Variants in ZBTB1 observed in about 807,000 individuals in gnomAD.
ZBTB1 encodes the protein zinc finger and BTB domain containing 1.
In ZBTB1, 13 loss-of-function variants were observed where a neutral mutation model predicts 51.6. That is an observed-to-expected ratio of 0.25 (90% CI 0.16 to 0.40). The LOEUF (loss-of-function observed/expected upper bound fraction) is 0.40. Ranked by LOEUF, ZBTB1 falls within the 10% of genes least tolerant of loss-of-function variation. ZBTB1 has a pLI of 1.00. For missense variants in ZBTB1, 567 were observed against 856.5 expected, an observed-to-expected ratio of 0.66 and a Z score of 4.22; for synonymous variants, 240 against 282.2, an observed-to-expected ratio of 0.85 and a Z score of 1.50.
intron 1 of ZBTB1, among the ~76,000 whole-genome samples, chr14:64,505,571 AAG>A (rs2079639749): frequency 6.6e-6 from 1 of 152,020 alleles, no homozygotes; most frequent in South Asian, 2.1e-4. Context: ...CGCTTACTAG[AAG>A]TTCGGTAAAT....
At chr14:64,515,559 C>G (rs867791505) in intron 1 of ZBTB1, among the ~76,000 whole-genome samples, 2 of 144,238 alleles carry the variant, frequency 1.4e-5, no homozygotes, top group Non-Finnish European at 3.0e-5. Context: ...CTTGCTCTGT[C>G]GCCCAGGCTG....
chr14:64,504,677 A>C, upstream of ZBTB1: 1 of 354,974 alleles, frequency 2.8e-6, no homozygotes, highest in Non-Finnish European at 5.0e-6. Flanking sequence ...CGGACGCCGC[A>C]GCGAACTGGT....
chr14:64,516,875 C>A (rs1488786028), intron 1 of ZBTB1: 1 of 152,188 alleles, frequency 6.6e-6, no homozygotes, highest in East Asian at 1.9e-4. Flanking sequence ...TGAATTGTGA[C>A]TATAGCTATA....
chr14:64,522,618 T>C lies in ZBTB1; in HGVS notation c.1114T>C (p.Tyr372His), dbSNP rs775823649. The C allele has an allele frequency of 5.0e-6, 8 of 1,614,036 alleles. No individual in the cohort carries two copies. Among genetic ancestry groups the C allele is most frequent in the African/African-American group, 2.7e-5 (2 of 74,914 alleles). The change falls in exon 2 of 2, where the codon TAC (tyrosine) becomes CAC (histidine). Residue 372 changes from tyrosine (Y) to histidine (H), a missense_variant. By Grantham distance (83) the Tyr-to-His change is moderately conservative. Transcript: ENST00000683701. ...TGAACCTGAAGAGCCATTTTATAGATACTATGTTGAAGAAGATGTCAGCAT... is the reference window on the plus strand; with the variant it reads ...TGAACCTGAAGAGCCATTTTATAGACACTATGTTGAAGAAGATGTCAGCAT... ...EDEPEEPFYR[Y>H]YVEEDVSIKK...
intron 1 of ZBTB1, among the ~76,000 whole-genome samples, chr14:64,515,959 A>G (rs2079780568): frequency 6.6e-6 from 1 of 152,148 alleles, no homozygotes; most frequent in Non-Finnish European, 1.5e-5. Flanking sequence ...TGGGCTAGGC[A>G]CAGTGGTTTA....
intron 1 of ZBTB1, among the ~76,000 whole-genome samples, chr14:64,508,857 AT>A (rs879650609): frequency 2.0e-5 from 3 of 152,264 alleles, no homozygotes; most frequent in Non-Finnish European, 2.9e-5. Context: ...CTCATCAAGT[AT>A]CAACTAAATG....
At chr14:64,503,955 T>A (rs543888083), upstream of ZBTB1, 1 of 152,074 alleles carries the variant, frequency 6.6e-6, no homozygotes, top group Non-Finnish European at 1.5e-5. Flanking sequence ...GCCGCCACAG[T>A]TCGCAGTTGT....
At chr14:64,514,371 G>A (rs1170704591) in intron 1 of ZBTB1, 1 of 152,182 alleles carries the variant, frequency 6.6e-6, no homozygotes, top group Non-Finnish European at 1.5e-5. Flanking sequence ...TGCCTCATTG[G>A]TGCTGCAAGT....
chr14:64,517,781 A>ATATAT lies in ZBTB1; in HGVS notation c.-18-3705_-18-3704insATATT, dbSNP rs1160337478. On this transcript the variant is annotated intron_variant, in intron 1 of 1. Coordinates refer to ENST00000683701, the MANE Select transcript of ZBTB1 (RefSeq NM_001123329.2). The stretch of plus-strand genomic sequence containing the variant: ...AATATATATATATATATATATATAT[A>ATATAT]TTTTTTTTTTTTTTTTTTTTTTGAG... 1.2e-3 allele frequency among the ~76,000 whole-genome samples: 50 copies of ATATAT among 41,558 alleles called. 1 individual carries two copies. Among genetic ancestry groups the ATATAT allele is most frequent in the African/African-American group, 3.8e-3 (43 of 11,278 alleles). The allele number at this position is 41,558 out of a possible 152,430, so 27.3% of individuals were successfully genotyped here. A position where few individuals can be genotyped will look rare whatever the true frequency, so the allele number is the denominator to read the frequency against.
intron 1 of ZBTB1, among the ~76,000 whole-genome samples, chr14:64,514,958 G>C (rs1194542319): frequency 6.6e-6 from 1 of 152,156 alleles, no homozygotes; most frequent in African/African-American, 2.4e-5. Flanking sequence ...TGTTAGACTA[G>C]ATTAGATCTC....
chr14:64,527,637 T>C (rs1190863066), downstream of ZBTB1, among the ~76,000 whole-genome samples: 3 of 148,886 alleles, frequency 2.0e-5, no homozygotes, highest in Non-Finnish European at 3.0e-5. Context: ...CCAGGCGTGG[T>C]GGCGCGCACC....
At position 64,523,108 on chromosome 14, in the gene ZBTB1, G is replaced by A. The variant is rs778781129; in HGVS notation, c.1604G>A (p.Arg535Gln). Residue 535 changes from arginine (R) to glutamine (Q), a missense_variant, in exon 2 of 2, where the codon CGA (arginine) becomes CAA (glutamine). Transcript: ENST00000683701. The surrounding 1 kb of genome is among the most constrained non-coding windows in gnomAD (Gnocchi z 4.5). Reference sequence around the variant, plus strand: ...TTTAAACATTCTGCCTGCCCTTTTCGATGTCCTAATTGTGGCCAGCGTTTT... The same window carrying A: ...TTTAAACATTCTGCCTGCCCTTTTCAATGTCCTAATTGTGGCCAGCGTTTT... ...QLFKHSACPF[R>Q]CPNCGQRFET... 8.1e-6 allele frequency: 13 copies of A among 1,614,108 alleles called. No individual in the cohort carries two copies. Among genetic ancestry groups the A allele is most frequent in the South Asian group, 3.3e-5 (3 of 91,076 alleles).
chr14:64,505,153 C>T, intron 1 of ZBTB1: 1 of 338,160 alleles, frequency 3.0e-6, no homozygotes, highest in African/African-American at 2.2e-5. Context: ...GGGCGTGCGG[C>T]CTCCCTGAGT....
At chr14:64,507,537 C>G (rs955283979) in intron 1 of ZBTB1, among the ~76,000 whole-genome samples, 2 of 152,314 alleles carry the variant, frequency 1.3e-5, no homozygotes, top group Admixed American at 1.3e-4. Flanking sequence ...TTGATCACAG[C>G]TGTGTGTGCC....
At chr14:64,520,195 A>C (rs1342642130) in intron 1 of ZBTB1, among the ~76,000 whole-genome samples, 1 of 151,950 alleles carries the variant, frequency 6.6e-6, no homozygotes, top group Non-Finnish European at 1.5e-5. Flanking sequence ...AGTAGAGACA[A>C]GGTTTCACTG....
downstream of ZBTB1, among the ~76,000 whole-genome samples, chr14:64,527,100 G>GT (rs2079908935): frequency 6.6e-6 from 1 of 151,824 alleles, no homozygotes; most frequent in African/African-American, 2.4e-5. Context: ...CAAACTAACA[G>GT]TTTGAGTATG....
chr14:64,521,995 G>C lies in ZBTB1; in HGVS notation c.491G>C (p.Ser164Thr), dbSNP rs944898727. The C allele has an allele frequency of 1.9e-6, 3 of 1,614,126 alleles. No homozygotes were observed. The African/African-American group carries it at 4.0e-5, about 22-fold the overall frequency. ...NEANRWCAEP[S>T]STVNTPHNRE... ...GCCAACAGGTGGTGTGCAGAGCCAAGTTCAACGGTAAATACACCACATAAT... is the reference window on the plus strand; with the variant it reads ...GCCAACAGGTGGTGTGCAGAGCCAACTTCAACGGTAAATACACCACATAAT... The change falls in exon 2 of 2, where the codon AGT becomes ACT. Residue 164 changes from serine (S) to threonine (T), a missense_variant. Ser to Thr is a moderately conservative substitution (Grantham distance 58). Transcript: ENST00000683701.
chr14:64,524,930 T>TAAAC lies in ZBTB1; in HGVS notation c.*1286_*1289dup, dbSNP rs1484822587. Reference sequence around the variant, plus strand: ...AACATTGGCAAAACTGACCCACCAATAAACACATCTATTGAATAGAATGCC... The same window carrying TAAAC: ...AACATTGGCAAAACTGACCCACCAATAAACAAACACATCTATTGAATAGAATGCC... On this transcript the variant is annotated 3_prime_UTR_variant, in exon 2 of 2. Transcript: ENST00000683701. The TAAAC allele has an allele frequency of 2.0e-6, 2 of 985,206 alleles. No individual in the cohort carries two copies. Among genetic ancestry groups the TAAAC allele is most frequent in the Non-Finnish European group, 2.4e-6 (2 of 829,876 alleles). The allele number at this position is 985,206 out of a possible 1,614,324, so 61.0% of individuals were successfully genotyped here.
Position 64,521,847 on chromosome 14 carries a change from G to A in ZBTB1, c.343G>A (p.Asp115Asn). The A allele has an allele frequency of 6.2e-7, 1 of 1,612,478 alleles. No individual in the cohort carries two copies. The highest frequency in any genetic ancestry group is 8.5e-7 in the Non-Finnish European group (1 of 1,180,018). ...ATACAATGTTCCTGACTGTTTAGAA[G>A]ACATCCAGGATGCAGATTGTTCTAG... Reference protein sequence around the residue: ...QLYNVPDCLEDIQDADCSSSK... With the variant: ...QLYNVPDCLENIQDADCSSSK... The change falls in exon 2 of 2, where the codon GAC becomes AAC. Residue 115 changes from aspartate to asparagine, a missense_variant. Transcript: ENST00000683701.
Sources: allele counts gnomAD v4.1 joint callset (sites outside exome capture counted in the v4.1 genomes callset), GRCh38; gene constraint gnomAD v4.1.1; non-coding constraint Gnocchi (gnomAD v3.1); transcripts MANE v1.5; gene names NCBI Gene and HGNC (gene_info 2026-07-23, HGNC 2026-07-21).